MRE11: variants seen among roughly 807,000 people sequenced by gnomAD.
The protein encoded by MRE11 is MRE11 double strand break repair nuclease, also known as double-strand break repair protein MRE11.
In MRE11, 62 loss-of-function variants were observed where a neutral mutation model predicts 91.7. That is an observed-to-expected ratio of 0.68 (90% CI 0.55 to 0.84). MRE11 has a LOEUF of 0.84. Among genes scored for constraint, MRE11 ranks in the 40% least tolerant of loss-of-function variants. The pLI is 0.00. For missense variants in MRE11, 796 were observed against 852.9 expected (o/e 0.93, Z 0.83); for synonymous variants, 273 against 271.4 (o/e 1.01, Z -0.06).
At chr11:94,459,726 G>C in intron 12 of MRE11, 145 bp from the exon 13 acceptor site, 3 of 907,760 alleles carry the variant, frequency 3.3e-6, no homozygotes, top group Non-Finnish European at 4.9e-6. Flanking sequence ...TCAGGAACCA[G>C]AAAAAGCAAA....
upstream of MRE11, chr11:94,497,295 G>A (rs1290613639): frequency 2.2e-6 from 1 of 452,146 alleles, no homozygotes; most frequent in Non-Finnish European, 3.9e-6. Flanking sequence ...TAATCATCAT[G>A]TATCCCTATA....
intron 14 of MRE11, among the ~76,000 whole-genome samples, chr11:94,450,413 T>C (rs754848087): frequency 5.3e-5 from 8 of 152,174 alleles, no homozygotes; most frequent in South Asian, 2.1e-4. Context: ...ATAGATCTAA[T>C]TGATAAATGT....
At chr11:94,478,508 T>C (rs1946929616) in intron 6 of MRE11, among the ~76,000 whole-genome samples, 1 of 152,046 alleles carries the variant, frequency 6.6e-6, no homozygotes, top group Non-Finnish European at 1.5e-5. Context: ...ATTCTAACAT[T>C]CAGGATTCTA....
At chr11:94,470,903 A>C (rs953236601) in intron 8 of MRE11, among the ~76,000 whole-genome samples, 3 of 152,056 alleles carry the variant, frequency 2.0e-5, no homozygotes, top group African/African-American at 7.2e-5. Flanking sequence ...TAATAAGCAT[A>C]AAAAAATGTT....
chr11:94,475,497 C>A lies in MRE11; in HGVS notation c.659+792G>T, dbSNP rs114295916. On this transcript the variant is annotated intron_variant, in intron 7 of 19. Transcript: ENST00000323929. Reference sequence around the variant, plus strand: ...TTGAGTTCTTCCCTGACAACTTCTCCGGTGTGTCCCTCCCATTTCTGTTTC... The same window carrying A: ...TTGAGTTCTTCCCTGACAACTTCTCAGGTGTGTCCCTCCCATTTCTGTTTC... 1,207 of 425,202 alleles carry A rather than the reference C, an allele frequency of 2.8e-3. 7 individuals are homozygous for A. The highest frequency in any genetic ancestry group is 0.02 in the African/African-American group (958 of 48,772). 26.3% of individuals were successfully genotyped at this position (425,202 alleles called of 1,614,324 possible). A position where few individuals can be genotyped will look rare whatever the true frequency, so the allele number is the denominator to read the frequency against.
intron 16 of MRE11, among the ~76,000 whole-genome samples, chr11:94,440,900 G>A (rs1945763051): frequency 5.3e-5 from 8 of 152,168 alleles, no homozygotes; most frequent in Admixed American, 4.6e-4. Context: ...GGAAGCTCCA[G>A]AGTTGAACTA....
At position 94,420,016 on chromosome 11, in the gene MRE11, T is replaced by C. The variant is rs770547307; in HGVS notation, c.*109A>G. The C allele has an allele frequency of 4.3e-5, 37 of 862,958 alleles. No individual in the cohort carries two copies. The highest frequency in any genetic ancestry group is 6.3e-5 in the Non-Finnish European group (35 of 552,724). 53.5% of individuals were successfully genotyped at this position (862,958 alleles called of 1,614,324 possible). On this transcript the variant is annotated 3_prime_UTR_variant, in exon 20 of 20. Coordinates refer to ENST00000323929, the MANE Select transcript of MRE11 (RefSeq NM_005591.4). ...CTGTGAACTAGAAATTTCTTACTTA[T>C]GGAGTTATGCTCAGGAAACAATACT...
chr11:94,449,029 T>A (rs924771807), intron 14 of MRE11, among the ~76,000 whole-genome samples: 2 of 152,162 alleles, frequency 1.3e-5, no homozygotes, highest in Non-Finnish European at 2.9e-5. Flanking sequence ...CCAAAACTGA[T>A]GTATAAATCC....
chr11:94,444,839 ATATT>A (rs1208496793), intron 16 of MRE11, among the ~76,000 whole-genome samples: 6 of 151,502 alleles, frequency 4.0e-5, no homozygotes, highest in Admixed American at 3.9e-4. Flanking sequence ...TATTTAAAAA[ATATT>A]TATAATTATA....
At chr11:94,424,995 G>T (rs181991256) in intron 19 of MRE11, among the ~76,000 whole-genome samples, 37 of 152,220 alleles carry the variant, frequency 2.4e-4, no homozygotes, top group Non-Finnish European at 4.9e-4. Flanking sequence ...AAGAAATACA[G>T]AGAATTCCTA....
intron 14 of MRE11, among the ~76,000 whole-genome samples, chr11:94,454,837 G>C (rs1169064124): frequency 6.6e-6 from 1 of 151,932 alleles, no homozygotes; most frequent in African/African-American, 2.4e-5. Context: ...AAATTGAAAG[G>C]GTTAATCAAT....
At chr11:94,496,285 ATTAG>A (rs1947417273), upstream of MRE11, among the ~76,000 whole-genome samples, 1 of 152,182 alleles carries the variant, frequency 6.6e-6, no homozygotes. Flanking sequence ...TCTTCATTGT[ATTAG>A]TTATACTTCA....
the MRE11 span, among the ~76,000 whole-genome samples, chr11:94,506,050 C>T: frequency 9.6e-3 from 1,465 of 152,226 alleles, 26 homozygotes; most frequent in African/African-American, 0.033. Context: ...ATTTGAACAA[C>T]GATGAAATTG....
chr11:94,490,070 A>G (rs1430264486), intron 3 of MRE11, among the ~76,000 whole-genome samples: 2 of 152,154 alleles, frequency 1.3e-5, no homozygotes, highest in African/African-American at 4.8e-5. Context: ...AAAAGCCTCT[A>G]ACTGGTCTCC....
At chr11:94,453,628 A>G (rs780182804) in intron 14 of MRE11, among the ~76,000 whole-genome samples, 5 of 152,174 alleles carry the variant, frequency 3.3e-5, no homozygotes, top group Non-Finnish European at 5.9e-5. Context: ...AGAAATGTCT[A>G]TTCAAGTCCT....
At chr11:94,421,795 G>A (rs1410935482) in intron 19 of MRE11, among the ~76,000 whole-genome samples, 1 of 152,178 alleles carries the variant, frequency 6.6e-6, no homozygotes, top group Non-Finnish European at 1.5e-5. Flanking sequence ...TGTGAAATAA[G>A]CCAGTCACAA....
chr11:94,420,294 CT>C (rs1945136554), intron 19 of MRE11, 113 bp from the exon 20 acceptor site: 1 of 763,158 alleles, frequency 1.3e-6, no homozygotes. Context: ...ATGGGATAGA[CT>C]TTATTTTTCT....
chr11:94,470,613 C>G lies in MRE11; in HGVS notation c.875G>C (p.Arg292Thr). ...AGGAATTTTATGCATATTCATCTTC[C>G]TCCCTTTAATACGCAGCAAACCAAC... is the stretch of plus-strand genomic sequence containing the variant. Reference protein sequence around the residue: ...KHVGLLRIKGRKMNMHKIPLH... With the variant: ...KHVGLLRIKGTKMNMHKIPLH... The change falls in exon 9 of 20, where the codon AGG becomes ACG. Residue 292 changes from arginine to threonine, a missense_variant. By Grantham distance (71) the Arg-to-Thr change is moderately conservative. Coordinates refer to ENST00000323929, the MANE Select transcript of MRE11 (RefSeq NM_005591.4). 6.2e-7 allele frequency: 1 copy of G among 1,613,086 alleles called. No individual in the cohort carries two copies. The highest frequency in any genetic ancestry group is 8.5e-7 in the Non-Finnish European group (1 of 1,179,338).
chr11:94,448,906 A>G (rs1161044365), intron 14 of MRE11, among the ~76,000 whole-genome samples: 1 of 152,238 alleles, frequency 6.6e-6, no homozygotes, highest in Non-Finnish European at 1.5e-5. Context: ...AAATTAAAAA[A>G]TAGTTCCAAA....
Sources: allele counts gnomAD v4.1 joint callset (sites outside exome capture counted in the v4.1 genomes callset), GRCh38; gene constraint gnomAD v4.1.1; transcripts MANE v1.5; gene names NCBI Gene and HGNC (gene_info 2026-07-23, HGNC 2026-07-21).